Variants in TLL2 observed in about 807,000 individuals in gnomAD.
TLL2 encodes the protein tolloid like 2, also known as tolloid-like protein 2.
Under a neutral mutation model 123.0 loss-of-function variants are expected in TLL2, and 106 were observed. The observed-to-expected ratio is 0.86, with a 90% CI of 0.74 to 1.01. TLL2 has a LOEUF of 1.01. TLL2 is among the 50% of genes least tolerant of loss of function. The pLI is 0.00. For synonymous variants in TLL2, 494 were observed against 516.8 expected, an observed-to-expected ratio of 0.96 and a Z score of 0.60; for missense variants, 1,332 against 1,336.7, an observed-to-expected ratio of 1.00 and a Z score of 0.06.
intron 1 of TLL2, among the ~76,000 whole-genome samples, chr10:96,499,357 C>T (rs1466249026): frequency 1.3e-5 from 2 of 152,196 alleles, no homozygotes; most frequent in African/African-American, 4.8e-5. Flanking sequence ...GGGGTGGCTT[C>T]CTCCTTCCCT....
Position 96,386,216 on chromosome 10 carries a change from C to T in TLL2, c.1853-1G>A, listed in dbSNP as rs778803607. On this transcript the variant is annotated splice_acceptor_variant, in intron 14 of 20. Coordinates refer to ENST00000357947, the MANE Select transcript of TLL2 (RefSeq NM_012465.4). LOFTEE classifies it high-confidence loss of function. The stretch of plus-strand genomic sequence containing the variant: ...TTGGTAATGAAACCGCCACAGGCCA[C>T]TGCACGGGGGAAACAGAAACAGGAT... 12 of 1,580,170 alleles carry T rather than the reference C, an allele frequency of 7.6e-6. No individual in the cohort carries two copies. The highest frequency in any genetic ancestry group is 1.0e-5 in the Non-Finnish European group (12 of 1,162,730).
At chr10:96,450,740 A>C (rs1257777104) in intron 2 of TLL2, among the ~76,000 whole-genome samples, 2 of 152,192 alleles carry the variant, frequency 1.3e-5, no homozygotes, top group Non-Finnish European at 2.9e-5. Context: ...GGCACCATAG[A>C]ACAAGGAAGA....
intron 9 of TLL2, among the ~76,000 whole-genome samples, chr10:96,408,192 T>C (rs1846469161): frequency 6.6e-6 from 1 of 152,216 alleles, no homozygotes; most frequent in Non-Finnish European, 1.5e-5. Context: ...TTTTTAAAAT[T>C]ACAGAAAGGA....
intron 2 of TLL2, among the ~76,000 whole-genome samples, chr10:96,450,143 G>A (rs1217881338): frequency 6.6e-6 from 1 of 151,704 alleles, no homozygotes; most frequent in African/African-American, 2.4e-5. Flanking sequence ...GGATGGGTAG[G>A]TGGGTGAATG....
At position 96,445,199 on chromosome 10, in the gene TLL2, A is replaced by T. The variant is rs568052349; in HGVS notation, c.364+892T>A. Among the ~76,000 whole-genome samples, 732 of 152,056 alleles carry T rather than the reference A, an allele frequency of 4.8e-3. 4 individuals carry two copies. Among genetic ancestry groups the T allele is most frequent in the African/African-American group, 8.9e-3 (368 of 41,460 alleles). ...GCGAGACTCCACCTCAAAAAAAAAA[A>T]TTTTTCTTTTGCTTTGCTGTGAAGT... is the stretch of plus-strand genomic sequence containing the variant. On this transcript the variant is annotated intron_variant, in intron 3 of 20. Coordinates refer to ENST00000357947, the MANE Select transcript of TLL2 (RefSeq NM_012465.4).
chr10:96,384,878 G>C (rs1184297373), intron 15 of TLL2, 111 bp from the exon 16 acceptor site: 7 of 1,124,882 alleles, frequency 6.2e-6, no homozygotes, highest in Non-Finnish European at 7.3e-6. Context: ...GTGTGGCGGG[G>C]GAGGGTCCCT....
intron 2 of TLL2, among the ~76,000 whole-genome samples, chr10:96,479,217 A>G (rs1213105403): frequency 6.6e-6 from 1 of 152,206 alleles, no homozygotes; most frequent in Non-Finnish European, 1.5e-5. Flanking sequence ...GAAACAAGAC[A>G]CCAAAAAGAA....
chr10:96,392,447 G>T (rs1589409998), intron 13 of TLL2, among the ~76,000 whole-genome samples: 2 of 146,722 alleles, frequency 1.4e-5, no homozygotes, highest in South Asian at 2.2e-4. Flanking sequence ...TAGGCATCCT[G>T]TTTTTTTTTT....
In TLL2 at chr10:96,423,903, A is replaced by C. The variant is rs7906858; in HGVS notation, c.639-1176T>G. Among the ~76,000 whole-genome samples the C allele has an allele frequency of 4.2e-3, 645 of 152,338 alleles. 6 individuals are homozygous for C. The highest frequency in any genetic ancestry group is 0.015 in the African/African-American group (605 of 41,578). The stretch of plus-strand genomic sequence containing the variant: ...GGAAGCAACCTAAGTGTCCATCAGC[A>C]GTTGAATGGATAAAGAAAATGTGTA... On this transcript the variant is annotated intron_variant, in intron 5 of 20. Coordinates refer to ENST00000357947, the MANE Select transcript of TLL2 (RefSeq NM_012465.4).
intron 3 of TLL2, among the ~76,000 whole-genome samples, chr10:96,439,878 T>G (rs1045995582): frequency 3.3e-5 from 5 of 152,220 alleles, no homozygotes; most frequent in Non-Finnish European, 7.3e-5. Context: ...CACACTATGT[T>G]TTTTTAAAAA....
chr10:96,400,951 T>G (rs575253141), intron 10 of TLL2, among the ~76,000 whole-genome samples: 2 of 152,286 alleles, frequency 1.3e-5, no homozygotes, highest in South Asian at 4.2e-4. Context: ...ATGTTCTCAA[T>G]TGACTTTTCC....
chr10:96,367,952 T>G lies in TLL2; in HGVS notation c.*136A>C, dbSNP rs1212342968. On this transcript the variant is annotated 3_prime_UTR_variant, in exon 21 of 21. Coordinates refer to ENST00000357947, the MANE Select transcript of TLL2 (RefSeq NM_012465.4). Reference sequence around the variant, plus strand: ...AGACTTTCATTCAAATATATACCTCTAAGGCTGGATTCTGAGTTTTTGTTT... The same window carrying G: ...AGACTTTCATTCAAATATATACCTCGAAGGCTGGATTCTGAGTTTTTGTTT... 1 of 1,104,368 alleles carries G rather than the reference T, an allele frequency of 9.1e-7. No individual in the cohort carries two copies. The highest frequency in any genetic ancestry group is 1.6e-5 in the African/African-American group (1 of 63,604). The allele number at this position is 1,104,368 out of a possible 1,614,324, so 68.4% of individuals were successfully genotyped here.
At chr10:96,506,270 A>AAAAG (rs1847578618) in intron 1 of TLL2, among the ~76,000 whole-genome samples, 1 of 150,156 alleles carries the variant, frequency 6.7e-6, no homozygotes, top group Non-Finnish European at 1.5e-5. Context: ...AAAAAAGAAA[A>AAAAG]AAAAAAAAGA....
chr10:96,505,186 A>G (rs1020811505), intron 1 of TLL2, among the ~76,000 whole-genome samples: 46 of 152,198 alleles, frequency 3.0e-4, no homozygotes, highest in Admixed American at 2.6e-3. Flanking sequence ...CACATCCTAC[A>G]TGGGAACAGG....
intron 1 of TLL2, among the ~76,000 whole-genome samples, chr10:96,480,669 C>T (rs1018242902): frequency 1.3e-5 from 2 of 152,158 alleles, no homozygotes; most frequent in Non-Finnish European, 2.9e-5. Flanking sequence ...CTGTGCCAAC[C>T]ACCATGAAAA....
chr10:96,443,058 T>C lies in TLL2; in HGVS notation c.364+3033A>G, dbSNP rs79646517. Among the ~76,000 whole-genome samples, 568 of 152,288 alleles carry C rather than the reference T, an allele frequency of 3.7e-3. 2 individuals are homozygous for C. The highest frequency in any genetic ancestry group is 5.8e-3 in the Non-Finnish European group (394 of 68,026). ...TGTGTCTGACTGTCCAAGTTTATAG[T>C]TGGGTCATTTTACACCCAACGAACT... On this transcript the variant is annotated intron_variant, in intron 3 of 20. Transcript: ENST00000357947.
At chr10:96,394,447 C>T (rs1025661350) in intron 13 of TLL2, among the ~76,000 whole-genome samples, 1 of 152,206 alleles carries the variant, frequency 6.6e-6, no homozygotes, top group African/African-American at 2.4e-5. Flanking sequence ...TCTTCTGGGG[C>T]CAGGAAAGCT....
intron 1 of TLL2, among the ~76,000 whole-genome samples, chr10:96,500,253 G>A (rs1274426802): frequency 6.6e-6 from 1 of 151,928 alleles, no homozygotes; most frequent in African/African-American, 2.4e-5. Flanking sequence ...TAGAGTTCAA[G>A]GCTGCAGTGA....
chr10:96,416,848 A>G (rs1261391310), intron 7 of TLL2, among the ~76,000 whole-genome samples: 1 of 152,184 alleles, frequency 6.6e-6, no homozygotes, highest in African/African-American at 2.4e-5. Flanking sequence ...ACATTCTGCT[A>G]AACTAAGACA....
Sources: allele counts gnomAD v4.1 joint callset (sites outside exome capture counted in the v4.1 genomes callset), GRCh38; gene constraint gnomAD v4.1.1; transcripts MANE v1.5; gene names NCBI Gene and HGNC (gene_info 2026-07-23, HGNC 2026-07-21).